Variants in RASGEF1C observed in about 807,000 individuals in gnomAD.
RASGEF1C encodes RasGEF domain family member 1C.
A neutral mutation model predicts 58.1 loss-of-function variants in RASGEF1C; 27 were observed. The ratio of observed to expected loss-of-function variants is 0.46; its 90% CI spans 0.34 to 0.64. The LOEUF is 0.64. Ranked by LOEUF, RASGEF1C falls within the 30% of genes least tolerant of loss-of-function variation. The probability of loss-of-function intolerance (pLI) is 0.01; values close to 1 mark genes in which losing one functional copy is unlikely to be tolerated. For missense variants in RASGEF1C, 502 were observed against 605.1 expected (o/e 0.83, Z 1.79); for synonymous variants, 243 against 246.3 (o/e 0.99, Z 0.13).
chr5:180,201,167 A>G (rs4700916), intron 1 of RASGEF1C, among the ~76,000 whole-genome samples: 145,700 of 152,188 alleles, frequency 0.96, 70,042 homozygotes, highest in Non-Finnish European at 1. Context: ...GGTGGGTGTC[A>G]GAGCACTGGC....
chr5:180,102,239 C>T lies in RASGEF1C; in HGVS notation c.1304-96G>A. 7 of 727,440 alleles carry T rather than the reference C, an allele frequency of 9.6e-6. No homozygotes were observed. The South Asian group carries it at 1.1e-4, about 12-fold the overall frequency. 45.1% of individuals were successfully genotyped at this position (727,440 alleles called of 1,614,324 possible). Reference sequence around the variant, plus strand: ...CTGCGTGGGTCTCTTTCTGGGTTCTCTATTCTGTCCCATTGATCCATGTGT... The same window carrying T: ...CTGCGTGGGTCTCTTTCTGGGTTCTTTATTCTGTCCCATTGATCCATGTGT... On this transcript the variant is annotated intron_variant, in intron 12 of 13. Coordinates refer to ENST00000361132, the MANE Select transcript of RASGEF1C (RefSeq NM_175062.4).
rs142873489 is a variant in RASGEF1C, at chr5:180,194,581, T to G, written c.-7+14447A>C. 2.2e-3 allele frequency among the ~76,000 whole-genome samples: 328 copies of G among 152,292 alleles called. 4 individuals are homozygous for G. Among genetic ancestry groups the G allele is most frequent in the African/African-American group, 7.1e-3 (294 of 41,562 alleles). On this transcript the variant is annotated intron_variant, in intron 1 of 13. Transcript: ENST00000361132. ...TTCACAAAAACCACTGAGTGTACCA[T>G]TTTTTATTCTCAAGGGGCTTGTCAG...
chr5:180,104,407 C>T (rs1270135638), intron 12 of RASGEF1C, among the ~76,000 whole-genome samples: 1 of 152,192 alleles, frequency 6.6e-6, no homozygotes, highest in African/African-American at 2.4e-5. Context: ...TGCGAGGACA[C>T]AGCAAGAAGG....
chr5:180,191,412 A>T (rs1376625486), intron 1 of RASGEF1C, among the ~76,000 whole-genome samples: 1 of 151,986 alleles, frequency 6.6e-6, no homozygotes, highest in Non-Finnish European at 1.5e-5. Flanking sequence ...GCTGGAGTGC[A>T]GTGGCGCGAT....
Position 180,136,407 on chromosome 5 carries a change from C to T in RASGEF1C, c.409G>A (p.Val137Ile), listed in dbSNP as rs759404646. Residue 137 changes from valine to isoleucine, a missense_variant, in exon 4 of 14, where the codon GTC (valine) becomes ATC (isoleucine). Physicochemically the swap from Val to Ile is conservative, Grantham distance 29. Transcript: ENST00000361132. ...TCACAGGGGGCGATGCGGCCCACGA[C>T]GTCCTTAAGGTGCCCGATAGTCGAC... ...EESTIGHLKD[V>I]VGRIAPCDEA... 15 of 1,559,578 alleles carry T rather than the reference C, an allele frequency of 9.6e-6. No individual in the cohort carries two copies. In the Admixed American group the frequency reaches 1.3e-4, roughly 14 times the overall value.
chr5:180,190,421 C>T (rs7717453), intron 1 of RASGEF1C, among the ~76,000 whole-genome samples: 63,068 of 143,760 alleles, frequency 0.44, 14,378 homozygotes, highest in Middle Eastern at 0.61. Flanking sequence ...ACCTGGGAGG[C>T]GGAGCTTGCA....
intron 4 of RASGEF1C, among the ~76,000 whole-genome samples, chr5:180,131,222 G>T (rs1766362823): frequency 6.6e-6 from 1 of 152,138 alleles, no homozygotes; most frequent in Non-Finnish European, 1.5e-5. Context: ...TCCATGGCTT[G>T]TGCAAAGATA....
intron 11 of RASGEF1C, among the ~76,000 whole-genome samples, chr5:180,112,660 A>G (rs1162072836): frequency 6.6e-6 from 1 of 152,146 alleles, no homozygotes; most frequent in African/African-American, 2.4e-5. Context: ...CCTCCTTCCT[A>G]CAGACTCGGG....
intron 6 of RASGEF1C, among the ~76,000 whole-genome samples, chr5:180,124,272 G>T (rs1766221031): frequency 6.6e-6 from 1 of 151,832 alleles, no homozygotes; most frequent in East Asian, 1.9e-4. Context: ...AGCCTAGATG[G>T]TTCCACTGGC....
rs552932359 is a variant in RASGEF1C, at chr5:180,122,468, C to A, written c.715-1319G>T. On this transcript the variant is annotated intron_variant, in intron 6 of 13. Coordinates refer to ENST00000361132, the MANE Select transcript of RASGEF1C (RefSeq NM_175062.4). ...TAAAACTGCCAGGGTAGGCCAAGCG[C>A]AGTGGCTCACGCCTGTAATCGCAAC... 1.8e-4 allele frequency among the ~76,000 whole-genome samples: 27 copies of A among 152,050 alleles called. No homozygotes were observed. The East Asian group carries it at 5.3e-3, about 30-fold the overall frequency.
intron 1 of RASGEF1C, among the ~76,000 whole-genome samples, chr5:180,138,571 G>T (rs1488944371): frequency 6.6e-6 from 1 of 152,196 alleles, no homozygotes; most frequent in Non-Finnish European, 1.5e-5. Flanking sequence ...TGGCAGGAAA[G>T]TGGGCACATT....
At chr5:180,200,349 G>A (rs1270188931) in intron 1 of RASGEF1C, among the ~76,000 whole-genome samples, 5 of 96,270 alleles carry the variant, frequency 5.2e-5, no homozygotes, top group Admixed American at 1.5e-4. Context: ...CTGCTCTGTC[G>A]CCCAGGTTGG....
Position 180,148,508 on chromosome 5 carries a change from T to C in RASGEF1C, c.-6-10450A>G, listed in dbSNP as rs367713913. Among the ~76,000 whole-genome samples the C allele has an allele frequency of 5.6e-4, 85 of 152,310 alleles. 1 individual carries two copies. The highest frequency in any genetic ancestry group is 1.8e-3 in the African/African-American group (73 of 41,574). The stretch of plus-strand genomic sequence containing the variant: ...CCTTTTGTGTATATCCTATAGCTAC[T>C]TTCTTTGTGGCAACCATGGGAATTA... On this transcript the variant is annotated intron_variant, in intron 1 of 13. Transcript: ENST00000361132.
intron 1 of RASGEF1C, among the ~76,000 whole-genome samples, chr5:180,159,589 C>T (rs778953484): frequency 2.0e-5 from 3 of 152,194 alleles, no homozygotes; most frequent in Admixed American, 6.5e-5. Flanking sequence ...CACATAGAGA[C>T]TGAGACTGAC....
At chr5:180,118,737 CT>C in intron 9 of RASGEF1C, 33 bp from the exon 10 acceptor site, 6 of 1,614,166 alleles carry the variant, frequency 3.7e-6, no homozygotes, top group Non-Finnish European at 5.1e-6. Context: ...GTGGGCAGTT[CT>C]GTCCAGGGGA....
At chr5:180,104,778 TTATC>T (rs1475269811) in intron 12 of RASGEF1C, among the ~76,000 whole-genome samples, 1 of 152,232 alleles carries the variant, frequency 6.6e-6, no homozygotes, top group African/African-American at 2.4e-5. Context: ...GCTATTCAAA[TTATC>T]TATTTTATGT....
Position 180,156,076 on chromosome 5 carries a change from A to G in RASGEF1C, c.-6-18018T>C, listed in dbSNP as rs1766843846. ...ACCAGTACCTTAAAATCCCTAATGC[A>G]TCTTCCTCAACCGGTCCCACTCCTC... On this transcript the variant is annotated intron_variant, in intron 1 of 13. Coordinates refer to ENST00000361132, the MANE Select transcript of RASGEF1C (RefSeq NM_175062.4). This position sits in a 1 kb window ranked among gnomAD's most constrained non-coding sequence, Gnocchi z 4.9. 6.6e-6 allele frequency among the ~76,000 whole-genome samples: 1 copy of G among 152,148 alleles called. No individual in the cohort carries two copies. The highest frequency in any genetic ancestry group is 6.5e-5 in the Admixed American group (1 of 15,270).
At chr5:180,174,801 C>T (rs564530101) in intron 1 of RASGEF1C, among the ~76,000 whole-genome samples, 2 of 152,272 alleles carry the variant, frequency 1.3e-5, no homozygotes, top group African/African-American at 2.4e-5. Context: ...GACTTCACTG[C>T]GCAGCAGTTC....
chr5:180,181,130 A>G (rs1175466063), intron 1 of RASGEF1C, among the ~76,000 whole-genome samples: 1 of 152,240 alleles, frequency 6.6e-6, no homozygotes, highest in Non-Finnish European at 1.5e-5. Flanking sequence ...TGCCCCTCCC[A>G]TCACTGGCAG....
Sources: gnomAD v4.1 joint callset for allele counts (sites outside exome capture counted in the v4.1 genomes callset) on GRCh38, gnomAD v4.1.1 for gene constraint, Gnocchi (gnomAD v3.1) non-coding constraint, MANE v1.5 for transcripts, NCBI Gene and HGNC (gene_info 2026-07-23, HGNC 2026-07-21) for gene names.